Variants in CSMD1 observed in about 807,000 individuals in gnomAD.
CSMD1 encodes CUB and Sushi multiple domains 1, also known as CUB and sushi domain-containing protein 1.
In CSMD1, 213 loss-of-function variants were observed where a neutral mutation model predicts 417.5. The observed-to-expected ratio is 0.51, with a 90% CI of 0.46 to 0.57. The LOEUF (loss-of-function observed/expected upper bound fraction) is 0.57. Ranked by LOEUF, CSMD1 falls within the 20% of genes least tolerant of loss-of-function variation. CSMD1 has a pLI of 0.00. For synonymous variants in CSMD1, 2,862 were observed against 1,736.8 expected, an observed-to-expected ratio of 1.65 and a Z score of -16.11; for missense variants, 6,923 against 4,529.7, an observed-to-expected ratio of 1.53 and a Z score of -15.17.
At chr8:3,953,720 G>T (rs575458622) in intron 5 of CSMD1, among the ~76,000 whole-genome samples, 4 of 152,208 alleles carry the variant, frequency 2.6e-5, no homozygotes, top group Admixed American at 1.3e-4. Context: ...GGGGACTCAG[G>T]AGAAGCTTCC....
chr8:4,252,728 A>C (rs1803163194), intron 3 of CSMD1, among the ~76,000 whole-genome samples: 1 of 152,214 alleles, frequency 6.6e-6, no homozygotes, highest in Admixed American at 6.5e-5. Context: ...GTTGTACAGG[A>C]ATTATGAGAG....
chr8:3,571,301 T>C (rs1050977455), intron 10 of CSMD1, among the ~76,000 whole-genome samples: 1 of 152,210 alleles, frequency 6.6e-6, no homozygotes, highest in Non-Finnish European at 1.5e-5. Flanking sequence ...TGGACTTGGA[T>C]GGACAGTAGG....
At chr8:4,592,761 A>T (rs1173693089) in intron 2 of CSMD1, among the ~76,000 whole-genome samples, 1 of 152,208 alleles carries the variant, frequency 6.6e-6, no homozygotes, top group Non-Finnish European at 1.5e-5. Context: ...ACGAATTTTA[A>T]TATTTATACT....
chr8:4,098,551 T>C (rs867898480), intron 3 of CSMD1, among the ~76,000 whole-genome samples: 3 of 152,224 alleles, frequency 2.0e-5, no homozygotes, highest in Middle Eastern at 3.4e-3. Flanking sequence ...GAAAGTGGAT[T>C]CAGTCAGTGG....
chr8:4,091,717 C>A (rs1800730703), intron 3 of CSMD1, among the ~76,000 whole-genome samples: 1 of 152,208 alleles, frequency 6.6e-6, no homozygotes, highest in Admixed American at 6.5e-5. Context: ...AAGGCACAAG[C>A]CTCGCTTGGT....
At chr8:4,976,630 A>G (rs1297707762) in intron 1 of CSMD1, among the ~76,000 whole-genome samples, 2 of 152,176 alleles carry the variant, frequency 1.3e-5, no homozygotes, top group African/African-American at 2.4e-5. Flanking sequence ...TGTGTGCTAA[A>G]CTCATTTGCT....
chr8:3,468,840 A>T lies in CSMD1; in HGVS notation c.1449-16T>A, dbSNP rs1244733950. 3 of 1,547,482 alleles carry T rather than the reference A, an allele frequency of 1.9e-6. No homozygotes were observed. In the South Asian group the frequency reaches 3.5e-5, roughly 18 times the overall value. Reference sequence around the variant, plus strand: ...TCCCGTGAGCCTGCAAGAAAGAGAAATGTCAAAGCTTTTAGGTAAGGCAAC... The same window carrying T: ...TCCCGTGAGCCTGCAAGAAAGAGAATTGTCAAAGCTTTTAGGTAAGGCAAC... On this transcript the variant is annotated splice_polypyrimidine_tract_variant and intron_variant, in intron 11 of 69. Transcript: ENST00000635120.
chr8:3,391,596 C>T (rs1357992946), intron 17 of CSMD1, among the ~76,000 whole-genome samples: 1 of 152,160 alleles, frequency 6.6e-6, no homozygotes, highest in African/African-American at 2.4e-5. Context: ...AGACTGAGTG[C>T]ATGAAGCAGA....
intron 2 of CSMD1, among the ~76,000 whole-genome samples, chr8:4,427,381 C>A (rs746822970): frequency 6.6e-6 from 1 of 152,010 alleles, no homozygotes; most frequent in African/African-American, 2.4e-5. Flanking sequence ...GAACCAGGTG[C>A]TTTATCAACC....
chr8:4,072,739 T>C (rs549609223), intron 3 of CSMD1, among the ~76,000 whole-genome samples: 6 of 152,324 alleles, frequency 3.9e-5, no homozygotes, highest in Non-Finnish European at 7.3e-5. Context: ...GTTTACAACT[T>C]TTGCCTTACT....
At chr8:3,807,147 C>T (rs1006605391) in intron 5 of CSMD1, among the ~76,000 whole-genome samples, 1 of 152,068 alleles carries the variant, frequency 6.6e-6, no homozygotes, top group Non-Finnish European at 1.5e-5. Flanking sequence ...AAAGTTTAAC[C>T]TTGATCCACA....
chr8:4,061,757 G>C (rs747966400), intron 3 of CSMD1, among the ~76,000 whole-genome samples: 1 of 152,110 alleles, frequency 6.6e-6, no homozygotes, highest in East Asian at 1.9e-4. Flanking sequence ...TCACCTCTCT[G>C]CATGTTCAGT....
At chr8:4,598,820 A>G (rs138250939) in intron 2 of CSMD1, among the ~76,000 whole-genome samples, 1 of 152,290 alleles carries the variant, frequency 6.6e-6, no homozygotes, top group East Asian at 1.9e-4. Context: ...AATAGAACAA[A>G]TTGTATTGTC....
intron 23 of CSMD1, among the ~76,000 whole-genome samples, chr8:3,316,618 C>T (rs949070136): frequency 3.9e-5 from 6 of 152,094 alleles, no homozygotes; most frequent in Admixed American, 2.0e-4. Context: ...GGCTTCAAAT[C>T]GCATGGCAGT....
At chr8:4,033,481 T>A (rs949082279) in intron 3 of CSMD1, among the ~76,000 whole-genome samples, 1 of 152,130 alleles carries the variant, frequency 6.6e-6, no homozygotes, top group Non-Finnish European at 1.5e-5. Flanking sequence ...CCTTTGATTC[T>A]ACCTATGACC....
chr8:4,255,865 C>A (rs187837718), intron 3 of CSMD1, among the ~76,000 whole-genome samples: 3 of 152,320 alleles, frequency 2.0e-5, no homozygotes, highest in Non-Finnish European at 4.4e-5. Flanking sequence ...ACAGACTTTC[C>A]TTTCTAACCT....
chr8:4,823,159 A>G (rs1304930671), intron 1 of CSMD1, among the ~76,000 whole-genome samples: 3 of 152,084 alleles, frequency 2.0e-5, no homozygotes, highest in Non-Finnish European at 2.9e-5. Context: ...AATCGTCACA[A>G]CTGCTGGTTC....
At chr8:4,649,903 G>C (rs1197139137) in intron 1 of CSMD1, among the ~76,000 whole-genome samples, 2 of 152,102 alleles carry the variant, frequency 1.3e-5, no homozygotes, top group Admixed American at 1.3e-4. Flanking sequence ...TATGACTGGG[G>C]GCACCATGTG....
chr8:3,509,067 G>C (rs576402550), intron 10 of CSMD1, among the ~76,000 whole-genome samples: 2 of 152,266 alleles, frequency 1.3e-5, no homozygotes, highest in South Asian at 2.1e-4. Flanking sequence ...CCATGTGCCA[G>C]TTTCCTCCTC....
Sources: allele counts gnomAD v4.1 joint callset (sites outside exome capture counted in the v4.1 genomes callset), GRCh38; gene constraint gnomAD v4.1.1; transcripts MANE v1.5; gene names NCBI Gene and HGNC (gene_info 2026-07-23, HGNC 2026-07-21).